KCNIP4: variants seen among roughly 807,000 people sequenced by gnomAD.
KCNIP4 encodes potassium voltage-gated channel interacting protein 4.
A neutral mutation model predicts 34.0 loss-of-function variants in KCNIP4; 12 were observed. The ratio of observed to expected loss-of-function variants is 0.35; its 90% CI spans 0.23 to 0.57. The LOEUF is 0.57. Among genes scored for constraint, KCNIP4 ranks in the 20% least tolerant of loss-of-function variants. The pLI, the probability that KCNIP4 is intolerant of heterozygous loss-of-function variation, is 0.83. For missense variants in KCNIP4, 238 were observed against 311.7 expected (o/e 0.76, Z 1.78); for synonymous variants, 124 against 102.2 (o/e 1.21, Z -1.29).
chr4:21,938,443 C>T (rs1665755023), intron 1 of KCNIP4, among the ~76,000 whole-genome samples: 1 of 152,102 alleles, frequency 6.6e-6, no homozygotes, highest in Non-Finnish European at 1.5e-5. Flanking sequence ...TTTGGGGAAG[C>T]CCCCATGATA....
intron 1 of KCNIP4, among the ~76,000 whole-genome samples, chr4:21,512,030 AGAAG>A: frequency 6.7e-6 from 1 of 149,076 alleles, no homozygotes; most frequent in South Asian, 2.2e-4. Flanking sequence ...AGGGAGGAAG[AGAAG>A]GAAGGAGGGA....
chr4:21,134,190 C>A (rs1751320776), intron 1 of KCNIP4, among the ~76,000 whole-genome samples: 1 of 152,128 alleles, frequency 6.6e-6, no homozygotes, highest in Non-Finnish European at 1.5e-5. Flanking sequence ...ACCTCTGCCA[C>A]CCCTGAGATA....
chr4:20,808,935 A>G (rs892117770), intron 3 of KCNIP4, among the ~76,000 whole-genome samples: 1 of 152,196 alleles, frequency 6.6e-6, no homozygotes, highest in Non-Finnish European at 1.5e-5. Context: ...ATAACCGTTT[A>G]CTTAGTTGTC....
At position 21,658,582 on chromosome 4, in the gene KCNIP4, T is replaced by C. The variant is rs546086050; in HGVS notation, c.61+289989A>G. On this transcript the variant is annotated intron_variant, in intron 1 of 8. Transcript: ENST00000382152. ...CAGGCCTGGCTAATTTTTATATTTT[T>C]AGTAGAGACGGGGTTTCACCATGTT... is the stretch of plus-strand genomic sequence containing the variant. 2.2e-4 allele frequency among the ~76,000 whole-genome samples: 33 copies of C among 152,088 alleles called. 1 individual carries two copies. The East Asian group carries it at 6.4e-3, about 30-fold the overall frequency.
chr4:21,072,086 A>G (rs1744995499), intron 1 of KCNIP4, among the ~76,000 whole-genome samples: 1 of 152,170 alleles, frequency 6.6e-6, no homozygotes, highest in African/African-American at 2.4e-5. Context: ...TATTGTGAAT[A>G]GTGCCGCAAT....
At chr4:20,897,506 C>G (rs1482787689) in intron 1 of KCNIP4, among the ~76,000 whole-genome samples, 3 of 151,932 alleles carry the variant, frequency 2.0e-5, no homozygotes, top group African/African-American at 2.4e-5. Context: ...TGTACCTGCC[C>G]CTCCCTCCCC....
chr4:20,818,089 G>C lies in KCNIP4; in HGVS notation c.288+32454C>G, dbSNP rs537600131. Reference sequence around the variant, plus strand: ...GGGTGCAAGTTATATGGCCTCCACTGTTCAAGATATATGATGAGTCGATTT... The same window carrying C: ...GGGTGCAAGTTATATGGCCTCCACTCTTCAAGATATATGATGAGTCGATTT... On this transcript the variant is annotated intron_variant, in intron 3 of 8. Coordinates refer to ENST00000382152, the MANE Select transcript of KCNIP4 (RefSeq NM_025221.6). Among the ~76,000 whole-genome samples the C allele has an allele frequency of 2.0e-5, 3 of 152,294 alleles. No homozygotes were observed. The East Asian group carries it at 5.8e-4, about 29-fold the overall frequency.
In KCNIP4 at chr4:20,869,439, C is replaced by G. The variant is rs1032963269; in HGVS notation, c.163+13169G>C. On this transcript the variant is annotated intron_variant, in intron 2 of 8. Transcript: ENST00000382152. ...ATGTGTCTGGCACATAGTAAACATT[C>G]AATTAATGATATTGTTGTTCATATA... Among the ~76,000 whole-genome samples, 8 of 151,804 alleles carry G rather than the reference C, an allele frequency of 5.3e-5. No individual in the cohort carries two copies. In the South Asian group the frequency reaches 6.2e-4, roughly 12 times the overall value.
chr4:21,937,348 C>G (rs756692058), intron 1 of KCNIP4, among the ~76,000 whole-genome samples: 1 of 152,088 alleles, frequency 6.6e-6, no homozygotes, highest in Non-Finnish European at 1.5e-5. Flanking sequence ...CTTTCTCCCC[C>G]ACAACAGTCA....
At chr4:21,259,066 G>A (rs13120206) in intron 1 of KCNIP4, among the ~76,000 whole-genome samples, 1 of 152,164 alleles carries the variant, frequency 6.6e-6, no homozygotes, top group Admixed American at 6.5e-5. Flanking sequence ...CTATAGCTCA[G>A]AGAGTTTAAA....
chr4:21,383,498 CAAAA>C (rs58025914), intron 1 of KCNIP4, among the ~76,000 whole-genome samples: 151 of 114,034 alleles, frequency 1.3e-3, no homozygotes, highest in East Asian at 4.1e-3. Flanking sequence ...AGTAGCAAGA[CAAAA>C]AAAAAAAAAA....
intron 1 of KCNIP4, among the ~76,000 whole-genome samples, chr4:21,190,136 G>A (rs1256726298): frequency 6.6e-6 from 1 of 152,132 alleles, no homozygotes; most frequent in African/African-American, 2.4e-5. Flanking sequence ...TTCCCAAACT[G>A]CAATTCTTTG....
chr4:21,931,745 G>T (rs1003664760), intron 1 of KCNIP4, among the ~76,000 whole-genome samples: 2 of 152,106 alleles, frequency 1.3e-5, no homozygotes, highest in Admixed American at 1.3e-4. Flanking sequence ...ACATACGTGT[G>T]CATGTGTCTT....
intron 1 of KCNIP4, among the ~76,000 whole-genome samples, chr4:21,230,361 G>A (rs1758703992): frequency 6.6e-6 from 1 of 151,940 alleles, no homozygotes; most frequent in African/African-American, 2.4e-5. Context: ...TTTAATTTAA[G>A]TTCCAGGAAA....
At chr4:20,940,029 T>C (rs947723322) in intron 1 of KCNIP4, among the ~76,000 whole-genome samples, 5 of 152,172 alleles carry the variant, frequency 3.3e-5, no homozygotes, top group South Asian at 2.1e-4. Context: ...CTAGACTTAT[T>C]TCTTACAACT....
intron 1 of KCNIP4, among the ~76,000 whole-genome samples, chr4:21,793,095 TG>T (rs1327423569): frequency 6.6e-6 from 1 of 152,132 alleles, no homozygotes; most frequent in East Asian, 1.9e-4. Context: ...CAGTTTTTGT[TG>T]TACCTTTAAA....
intron 1 of KCNIP4, among the ~76,000 whole-genome samples, chr4:21,146,594 T>A (rs1449155580): frequency 1.3e-5 from 2 of 152,196 alleles, no homozygotes; most frequent in Admixed American, 6.5e-5. Flanking sequence ...GTCACAGTCA[T>A]ACAGTTCCCG....
chr4:21,076,966 C>T (rs6829253), intron 1 of KCNIP4, among the ~76,000 whole-genome samples: 38,579 of 151,594 alleles, frequency 0.25, 5,203 homozygotes, highest in Middle Eastern at 0.32. Context: ...CTACTAAAAA[C>T]ACAAAAAAAT....
chr4:21,511,472 C>T (rs547964986), intron 1 of KCNIP4, among the ~76,000 whole-genome samples: 37 of 152,040 alleles, frequency 2.4e-4, no homozygotes, highest in African/African-American at 7.0e-4. Flanking sequence ...ACAAAAGACA[C>T]GTACATGAAA....
Sources: allele counts gnomAD v4.1 joint callset (sites outside exome capture counted in the v4.1 genomes callset), GRCh38; gene constraint gnomAD v4.1.1; transcripts MANE v1.5; gene names NCBI Gene and HGNC (gene_info 2026-07-23, HGNC 2026-07-21).